VPS37A: variants seen among roughly 807,000 people sequenced by gnomAD.
The protein encoded by VPS37A is vacuolar protein sorting-associated protein 37A.
Under a neutral mutation model 49.8 loss-of-function variants are expected in VPS37A, and 30 were observed. The ratio of observed to expected loss-of-function variants is 0.60; its 90% CI spans 0.45 to 0.82. VPS37A has a LOEUF of 0.82. VPS37A is among the 40% of genes least tolerant of loss of function. The probability of loss-of-function intolerance (pLI) is 0.00; values close to 1 mark genes in which losing one functional copy is unlikely to be tolerated. For missense variants in VPS37A, 593 were observed against 464.4 expected, an observed-to-expected ratio of 1.28 and a Z score of -2.55; for synonymous variants, 195 against 160.6, an observed-to-expected ratio of 1.21 and a Z score of -1.62.
intron 5 of VPS37A, 151 bp downstream of exon 5, chr8:17,275,109 C>A: frequency 2.8e-6 from 2 of 721,568 alleles, no homozygotes; most frequent in Non-Finnish European, 4.5e-6. Context: ...AACAGGTAAC[C>A]AACAAATAAT....
the VPS37A span, among the ~76,000 whole-genome samples, chr8:17,329,656 T>G: frequency 1.3e-5 from 2 of 152,148 alleles, no homozygotes; most frequent in Admixed American, 6.5e-5. Flanking sequence ...TTAAATAACT[T>G]AAGGGTCCTG....
intron 11 of VPS37A, among the ~76,000 whole-genome samples, chr8:17,292,398 T>G (rs1388527186): frequency 6.6e-6 from 1 of 152,228 alleles, no homozygotes; most frequent in Non-Finnish European, 1.5e-5. Flanking sequence ...TACAGCATAC[T>G]GATGGATCTT....
At chr8:17,248,234 A>G in intron 1 of VPS37A, 1 of 427,904 alleles carries the variant, frequency 2.3e-6, no homozygotes. Context: ...TTAAATAAAG[A>G]TGACAACATT....
chr8:17,263,052 C>A (rs1813105659), intron 1 of VPS37A, among the ~76,000 whole-genome samples: 3 of 139,942 alleles, frequency 2.1e-5, no homozygotes, highest in Admixed American at 7.4e-5. Flanking sequence ...TGAGTGAAAC[C>A]CCATCTCAAA....
At chr8:17,294,368 G>A (rs1019193094) in intron 11 of VPS37A, among the ~76,000 whole-genome samples, 2 of 152,218 alleles carry the variant, frequency 1.3e-5, no homozygotes, top group Non-Finnish European at 2.9e-5. Flanking sequence ...TTTCAAGCCA[G>A]TGGATCTTAG....
rs1260746124 is a variant in VPS37A, at chr8:17,296,075, AATTTTGCTTAAATTTCATCCCAG to A, written c.*1090_*1112del. The A allele has an allele frequency of 6.6e-6, 1 of 152,184 alleles. No individual in the cohort carries two copies. The highest frequency in any genetic ancestry group is 1.5e-5 in the Non-Finnish European group (1 of 68,036). The allele number at this position is 152,184 out of a possible 1,614,324, so 9.4% of individuals were successfully genotyped here. ...TAAATTACAAAACAAACTAATGCAT[AATTTTGCTTAAATTTCATCCCAG>A]TATGATTGTCTTCCCAACACCAGCA... On this transcript the variant is annotated 3_prime_UTR_variant, in exon 12 of 12. Coordinates refer to ENST00000324849, the MANE Select transcript of VPS37A (RefSeq NM_152415.3).
intron 3 of VPS37A, 72 bp from the exon 4 acceptor site, chr8:17,268,784 G>GTTAATAATTAAGATAATA (rs1813710097): frequency 1.0e-6 from 1 of 998,818 alleles, no homozygotes; most frequent in African/African-American, 1.6e-5. Flanking sequence ...TATTTAGAGT[G>GTTAATAATTAAGATAATA]ACATTATCCT....
chr8:17,254,093 G>A (rs766473782), intron 1 of VPS37A, among the ~76,000 whole-genome samples: 2 of 152,066 alleles, frequency 1.3e-5, no homozygotes, highest in Non-Finnish European at 2.9e-5. Flanking sequence ...TGTTGAATTT[G>A]GTGCACAGTT....
At chr8:17,266,147 G>A (rs974573098) in intron 2 of VPS37A, among the ~76,000 whole-genome samples, 166 bp downstream of exon 2, 5 of 152,136 alleles carry the variant, frequency 3.3e-5, no homozygotes, top group African/African-American at 1.2e-4. Context: ...AGCTATCACT[G>A]TTATAGTGTT....
intron 3 of VPS37A, 58 bp downstream of exon 3, chr8:17,268,430 T>C: frequency 3.2e-6 from 4 of 1,260,854 alleles, no homozygotes; most frequent in Non-Finnish European, 4.4e-6. Context: ...ACTTTTCTAC[T>C]AAATATTTTA....
At chr8:17,322,334 A>G in the VPS37A span, among the ~76,000 whole-genome samples, 1 of 152,208 alleles carries the variant, frequency 6.6e-6, no homozygotes, top group Non-Finnish European at 1.5e-5. Context: ...CCAGAATACT[A>G]TTTACCAATG....
chr8:17,296,513 A>G lies in VPS37A; in HGVS notation c.*1527A>G, dbSNP rs1047135698. On this transcript the variant is annotated 3_prime_UTR_variant, in exon 12 of 12. Transcript: ENST00000324849. Reference sequence around the variant, plus strand: ...CTTAATTTTCCCAGCAGTTACAGCAATGGGAGATAGAACAGTCTCAATCTT... The same window carrying G: ...CTTAATTTTCCCAGCAGTTACAGCAGTGGGAGATAGAACAGTCTCAATCTT... The G allele has an allele frequency of 1.3e-5, 2 of 152,150 alleles. No individual in the cohort carries two copies. Among genetic ancestry groups the G allele is most frequent in the African/African-American group, 4.8e-5 (2 of 41,438 alleles). The allele number at this position is 152,150 out of a possible 1,614,324, so 9.4% of individuals were successfully genotyped here.
intron 6 of VPS37A, among the ~76,000 whole-genome samples, chr8:17,277,034 T>C (rs928599755): frequency 6.6e-6 from 1 of 152,070 alleles, no homozygotes; most frequent in African/African-American, 2.4e-5. Context: ...TATACCCCCA[T>C]TGAGAGTTCA....
At chr8:17,311,645 C>A in the VPS37A span, 10 of 1,613,956 alleles carry the variant, frequency 6.2e-6, no homozygotes, top group Non-Finnish European at 8.5e-6. Flanking sequence ...GCCTAGAAAA[C>A]ACACGATCCG....
intron 5 of VPS37A, 134 bp downstream of exon 5, chr8:17,275,092 T>A (rs1814391069): frequency 1.2e-6 from 1 of 815,316 alleles, no homozygotes; most frequent in Non-Finnish European, 1.9e-6. Flanking sequence ...CATTTTTCAA[T>A]TCAAGTAACA....
chr8:17,282,519 A>G (rs1815168429), intron 9 of VPS37A, among the ~76,000 whole-genome samples: 1 of 152,138 alleles, frequency 6.6e-6, no homozygotes, highest in Admixed American at 6.5e-5. Flanking sequence ...ACTCAGATAT[A>G]TTAAAAAATC....
At chr8:17,284,280 T>G (rs1176347173) in intron 9 of VPS37A, among the ~76,000 whole-genome samples, 193 bp from the exon 10 acceptor site, 1 of 152,202 alleles carries the variant, frequency 6.6e-6, no homozygotes. Context: ...TAGTTTCTCT[T>G]GAGTTAGGTG....
At chr8:17,276,899 A>T (rs11989915) in intron 6 of VPS37A, among the ~76,000 whole-genome samples, 1 of 152,066 alleles carries the variant, frequency 6.6e-6, no homozygotes, top group African/African-American at 2.4e-5. Flanking sequence ...CTTTTTTTCA[A>T]ATTTATAGCA....
chr8:17,255,324 T>C (rs1463293840), intron 1 of VPS37A, among the ~76,000 whole-genome samples: 2 of 151,874 alleles, frequency 1.3e-5, no homozygotes, highest in Non-Finnish European at 2.9e-5. Context: ...CTACTAAAAA[T>C]ATAAATATTA....
Sources: allele counts gnomAD v4.1 joint callset (sites outside exome capture counted in the v4.1 genomes callset), GRCh38; gene constraint gnomAD v4.1.1; transcripts MANE v1.5; gene names NCBI Gene and HGNC (gene_info 2026-07-23, HGNC 2026-07-21).